Variants in TTLL11 observed in about 807,000 individuals in gnomAD.
TTLL11 encodes tubulin tyrosine ligase like 11, also known as tubulin polyglutamylase TTLL11.
TTLL11 carries 42 observed loss-of-function variants against 51.7 expected under a neutral mutation model. That is an observed-to-expected ratio of 0.81 (90% CI 0.64 to 1.05). TTLL11 has a LOEUF of 1.05. TTLL11 is among the 50% of genes least tolerant of loss of function. TTLL11 has a pLI of 0.00. For synonymous variants in TTLL11, 381 were observed against 383.5 expected, an observed-to-expected ratio of 0.99 and a Z score of 0.08; for missense variants, 799 against 940.4, an observed-to-expected ratio of 0.85 and a Z score of 1.97.
chr9:121,912,460 A>C (rs1347665690), intron 6 of TTLL11, among the ~76,000 whole-genome samples: 1 of 149,260 alleles, frequency 6.7e-6, no homozygotes, highest in Non-Finnish European at 1.5e-5. Context: ...CCCTTCACAT[A>C]AGCTCCCCCT....
chr9:121,866,085 G>A (rs977646597), intron 7 of TTLL11, among the ~76,000 whole-genome samples: 5 of 152,232 alleles, frequency 3.3e-5, no homozygotes, highest in African/African-American at 9.6e-5. Flanking sequence ...TTGCGTGGGA[G>A]CGCTGAGAGG....
intron 6 of TTLL11, among the ~76,000 whole-genome samples, chr9:121,968,438 A>G (rs1842467752): frequency 6.6e-6 from 1 of 152,272 alleles, no homozygotes; most frequent in South Asian, 2.1e-4. Context: ...GTCATCAAGC[A>G]GCTTCATTTT....
rs151125843 is a variant in TTLL11, at chr9:121,952,172, C to T, written c.1481+21837G>A. Among the ~76,000 whole-genome samples the T allele has an allele frequency of 2.8e-4, 43 of 152,246 alleles. No individual in the cohort carries two copies. The East Asian group carries it at 3.9e-3, about 14-fold the overall frequency. The stretch of plus-strand genomic sequence containing the variant: ...CCAAAAGTGGAGGACTAGGGCCGGG[C>T]GCAGTGGCTCATGCCTGTAATCCCA... On this transcript the variant is annotated intron_variant, in intron 6 of 8. Transcript: ENST00000321582.
chr9:121,859,820 C>G (rs939999020), intron 8 of TTLL11, among the ~76,000 whole-genome samples: 2 of 152,198 alleles, frequency 1.3e-5, no homozygotes, highest in Admixed American at 6.5e-5. Context: ...CCCTGTTCAC[C>G]AGCTGATCCC....
At chr9:122,041,179 C>T (rs2131828246) in intron 1 of TTLL11, among the ~76,000 whole-genome samples, 1 of 152,250 alleles carries the variant, frequency 6.6e-6, no homozygotes, top group South Asian at 2.1e-4. Flanking sequence ...AAAAACATGT[C>T]CATTCACTCA....
intron 7 of TTLL11, among the ~76,000 whole-genome samples, chr9:121,866,750 T>C (rs774247783): frequency 6.6e-6 from 1 of 152,070 alleles, no homozygotes; most frequent in Non-Finnish European, 1.5e-5. Context: ...CATTCTTAAT[T>C]ACTACAGACA....
At chr9:122,014,923 T>C (rs537082424) in intron 3 of TTLL11, among the ~76,000 whole-genome samples, 1 of 152,178 alleles carries the variant, frequency 6.6e-6, no homozygotes, top group Non-Finnish European at 1.5e-5. Context: ...TTGTTTTGTA[T>C]CCACAGCACT....
intron 4 of TTLL11, among the ~76,000 whole-genome samples, chr9:121,985,620 C>T (rs1842923544): frequency 6.6e-6 from 1 of 150,558 alleles, no homozygotes; most frequent in South Asian, 2.1e-4. Context: ...GGGTTCACAC[C>T]ATTCTCCTGC....
intron 1 of TTLL11, among the ~76,000 whole-genome samples, chr9:122,068,319 C>T (rs1845643256): frequency 6.6e-6 from 1 of 152,086 alleles, no homozygotes; most frequent in Non-Finnish European, 1.5e-5. Flanking sequence ...ACCAAGAAAA[C>T]TGCTCCAGGT....
At chr9:121,838,442 G>A (rs149541203) in intron 8 of TTLL11, among the ~76,000 whole-genome samples, 164 of 152,290 alleles carry the variant, frequency 1.1e-3, no homozygotes, top group Non-Finnish European at 1.4e-3. Flanking sequence ...ATCAGGGCTG[G>A]GCATAGTGGC....
chr9:121,907,932 C>G (rs571322198), intron 6 of TTLL11, among the ~76,000 whole-genome samples: 3 of 152,282 alleles, frequency 2.0e-5, no homozygotes, highest in African/African-American at 7.2e-5. Flanking sequence ...AGATAAAATC[C>G]TCGTTCTGCT....
In TTLL11 at chr9:121,982,576, T is replaced by C. The variant is rs375103748; in HGVS notation, c.1269+6619A>G. The stretch of plus-strand genomic sequence containing the variant: ...TACTAAAAATATTTTTTAAAAATTC[T>C]CTGGGCGTGGTGGCGGGTAGCTGTA... On this transcript the variant is annotated intron_variant, in intron 4 of 8. Transcript: ENST00000321582. 1.0e-3 allele frequency among the ~76,000 whole-genome samples: 154 copies of C among 152,030 alleles called. 1 individual carries two copies. Among genetic ancestry groups the C allele is most frequent in the African/African-American group, 3.5e-3 (147 of 41,456 alleles).
At chr9:121,954,205 A>G (rs1841948847) in intron 6 of TTLL11, among the ~76,000 whole-genome samples, 1 of 152,200 alleles carries the variant, frequency 6.6e-6, no homozygotes, top group African/African-American at 2.4e-5. Flanking sequence ...TGTTCACTTC[A>G]TGGATATCAT....
chr9:122,085,434 C>A (rs1426301707), intron 1 of TTLL11, among the ~76,000 whole-genome samples: 1 of 152,140 alleles, frequency 6.6e-6, no homozygotes, highest in Non-Finnish European at 1.5e-5. Flanking sequence ...AGTTGACATT[C>A]ACCCAAAATG....
intron 6 of TTLL11, among the ~76,000 whole-genome samples, chr9:121,940,387 G>C (rs550725931): frequency 1.3e-5 from 2 of 151,778 alleles, no homozygotes; most frequent in Admixed American, 6.6e-5. Context: ...GCCCAGGCTG[G>C]AGTGCAGTGG....
At chr9:122,092,532 G>A (rs1588273788) in intron 1 of TTLL11, among the ~76,000 whole-genome samples, 155 bp downstream of exon 1, 2 of 152,342 alleles carry the variant, frequency 1.3e-5, no homozygotes, top group South Asian at 4.1e-4. Context: ...AGGCCTTGAA[G>A]GATGAGCACT....
intron 1 of TTLL11, among the ~76,000 whole-genome samples, chr9:122,048,542 G>A (rs192696632): frequency 5.9e-5 from 9 of 152,168 alleles, no homozygotes; most frequent in East Asian, 3.9e-4. Context: ...CCCGTGGACC[G>A]ACCACAGGAT....
chr9:121,888,908 A>ATC (rs1564289513), intron 6 of TTLL11, among the ~76,000 whole-genome samples: 1 of 152,238 alleles, frequency 6.6e-6, no homozygotes, highest in Non-Finnish European at 1.5e-5. Flanking sequence ...GGCAGGAACT[A>ATC]TCAGCCCAGA....
chr9:121,895,914 ATGTGTGGGTGTGTC>A (rs1280452833), intron 6 of TTLL11, among the ~76,000 whole-genome samples: 7 of 4,604 alleles, frequency 1.5e-3, no homozygotes, highest in East Asian at 4.6e-3. Flanking sequence ...CTTTGTGTGG[ATGTGTGGGTGTGTC>A]TGTGTGGGTG....
Sources: gnomAD v4.1 joint callset for allele counts (sites outside exome capture counted in the v4.1 genomes callset) on GRCh38, gnomAD v4.1.1 for gene constraint, MANE v1.5 for transcripts, NCBI Gene and HGNC (gene_info 2026-07-23, HGNC 2026-07-21) for gene names.